Variants in TRIOBP observed in about 807,000 individuals in gnomAD.
The protein encoded by TRIOBP is TRIO and F-actin-binding protein.
TRIOBP carries 169 observed loss-of-function variants against 238.8 expected under a neutral mutation model. That is an observed-to-expected ratio of 0.71 (90% CI 0.62 to 0.80). The LOEUF (loss-of-function observed/expected upper bound fraction) is 0.80, where lower values mean the gene tolerates loss of function less well. Among genes scored for constraint, TRIOBP ranks in the 30% least tolerant of loss-of-function variants. The pLI is 0.00. For missense variants in TRIOBP, 2,838 were observed against 3,122.6 expected (o/e 0.91, Z 2.17); for synonymous variants, 1,150 against 1,274.4 (o/e 0.90, Z 2.08).
At chr22:37,729,279 G>A (rs928084502) in intron 7 of TRIOBP, among the ~76,000 whole-genome samples, 1 of 151,666 alleles carries the variant, frequency 6.6e-6, no homozygotes, top group Non-Finnish European at 1.5e-5. Context: ...GCAGTGGCGT[G>A]ATCATGGCTC....
intron 9 of TRIOBP, among the ~76,000 whole-genome samples, chr22:37,738,364 G>T (rs1486831182): frequency 6.6e-6 from 1 of 151,448 alleles, no homozygotes; most frequent in African/African-American, 2.4e-5. Context: ...GATGGATGAT[G>T]GATGGAGAGA....
chr22:37,726,792 C>T (rs892919206), intron 7 of TRIOBP, among the ~76,000 whole-genome samples: 1 of 152,166 alleles, frequency 6.6e-6, no homozygotes, highest in African/African-American at 2.4e-5. Context: ...CATGTCAACT[C>T]GTATGACCTG....
At chr22:37,701,856 G>A (rs1338147898) in intron 3 of TRIOBP, among the ~76,000 whole-genome samples, 1 of 152,212 alleles carries the variant, frequency 6.6e-6, no homozygotes, top group African/African-American at 2.4e-5. Flanking sequence ...GGCTGGGCAC[G>A]GTGGCTCACG....
At chr22:37,706,228 A>C (rs1922939357) in intron 3 of TRIOBP, among the ~76,000 whole-genome samples, 1 of 151,934 alleles carries the variant, frequency 6.6e-6, no homozygotes, top group Non-Finnish European at 1.5e-5. Flanking sequence ...GATACAGTGG[A>C]GATGAGGGGG....
At chr22:37,746,752 C>T (rs1925300001) in intron 11 of TRIOBP, among the ~76,000 whole-genome samples, 1 of 152,252 alleles carries the variant, frequency 6.6e-6, no homozygotes, top group African/African-American at 2.4e-5. Flanking sequence ...ACCTCCCCTC[C>T]AGCCCCCTAG....
Position 37,759,163 on chromosome 22 carries a change from C to T in TRIOBP, c.6223C>T (p.Leu2075Phe). The T allele has an allele frequency of 6.2e-7, 1 of 1,612,088 alleles. No individual in the cohort carries two copies. ...HEALEKEVQA[L>F]RAQLEAWRLQ... ...CCCTTCTCCCTCGTAGGTTCAGGCTCTTCGGGCCCAGCTGGAGGCGTGGCG... is the reference window on the plus strand; with the variant it reads ...CCCTTCTCCCTCGTAGGTTCAGGCTTTTCGGGCCCAGCTGGAGGCGTGGCG... The change falls in exon 17 of 24, where the codon CTT becomes TTT. Residue 2075 changes from leucine to phenylalanine, a missense_variant. Leu to Phe is a conservative substitution (Grantham distance 22). This residue lies in a region of TRIOBP where 2,096 missense variants were observed against 2,137.4 expected (regional missense o/e 0.98). Transcript: ENST00000644935.
At chr22:37,745,009 C>T (rs1428842451) in intron 11 of TRIOBP, among the ~76,000 whole-genome samples, 1 of 152,002 alleles carries the variant, frequency 6.6e-6, no homozygotes, top group Middle Eastern at 3.2e-3. Flanking sequence ...GGATTACAGG[C>T]GCCTGACACC....
In TRIOBP at chr22:37,725,582, C is replaced by A. The variant is rs765306690; in HGVS notation, c.3026C>A (p.Pro1009His). Residue 1009 changes from proline (P) to histidine (H), a missense_variant, in exon 7 of 24, where the codon CCC becomes CAC. Transcript: ENST00000644935. Reference sequence around the variant, plus strand: ...GGGGCTCCCCTGACCTCTCCTGAGCCCTCCCAGCCTCCATGTGCTGTGTGC... The same window carrying A: ...GGGGCTCCCCTGACCTCTCCTGAGCACTCCCAGCCTCCATGTGCTGTGTGC... ...AYGAPLTSPE[P>H]SQPPCAVCIG... is the part of the protein sequence containing the mutation. The A allele has an allele frequency of 2.5e-6, 4 of 1,613,814 alleles. No homozygotes were observed. The African/African-American group carries it at 5.3e-5, about 22-fold the overall frequency.
At chr22:37,738,235 G>A (rs1924769285) in intron 9 of TRIOBP, among the ~76,000 whole-genome samples, 2 of 152,142 alleles carry the variant, frequency 1.3e-5, no homozygotes, top group Admixed American at 1.3e-4. Context: ...ATATGGTGGT[G>A]GTGGATATAT....
chr22:37,719,264 A>C (rs1405567452), intron 6 of TRIOBP, among the ~76,000 whole-genome samples: 2 of 151,770 alleles, frequency 1.3e-5, no homozygotes, highest in African/African-American at 4.8e-5. Flanking sequence ...TGAGGAGGGG[A>C]CAGAGAAGGA....
At chr22:37,700,065 C>T (rs1242793310) in intron 2 of TRIOBP, among the ~76,000 whole-genome samples, 4 of 151,130 alleles carry the variant, frequency 2.6e-5, no homozygotes, top group Non-Finnish European at 5.9e-5. Flanking sequence ...TTAGTAGAGG[C>T]GGGGTTTCAC....
At chr22:37,751,105 C>A in intron 11 of TRIOBP, 2 of 434,374 alleles carry the variant, frequency 4.6e-6, no homozygotes, top group Non-Finnish European at 9.4e-6. Flanking sequence ...TTATCTAGGC[C>A]TGGGTGGGGG....
At chr22:37,720,000 C>CCTTTTT (rs1923747483) in intron 6 of TRIOBP, among the ~76,000 whole-genome samples, 2 of 54,348 alleles carry the variant, frequency 3.7e-5, no homozygotes, top group African/African-American at 7.6e-5. Flanking sequence ...CCCCCCCGCC[C>CCTTTTT]TTTTTTTTTT....
At chr22:37,759,864 G>A (rs1014035671) in intron 17 of TRIOBP, 41 of 756,792 alleles carry the variant, frequency 5.4e-5, no homozygotes, top group Non-Finnish European at 6.7e-5. Context: ...ACGTGTGTGT[G>A]TACACATATA....
chr22:37,723,146 C>T (rs769558492), intron 6 of TRIOBP, 39 bp from the exon 7 acceptor site: 29 of 1,605,084 alleles, frequency 1.8e-5, no homozygotes, highest in South Asian at 1.1e-5. Context: ...GCTGCCTGGA[C>T]CTCTCCCCTT....
In TRIOBP at chr22:37,757,761, G is replaced by A. The variant is rs1170910574; in HGVS notation, c.5836G>A (p.Val1946Met). ...ADGQRQALDY[V>M]ELSPLTQASP... The stretch of plus-strand genomic sequence containing the variant: ...CGGGCAGCGTCAGGCCTTGGACTAC[G>A]TGGAGCTCTCGCCGCTGACCCAGGC... The change falls in exon 16 of 24, where the codon GTG becomes ATG. Residue 1946 changes from valine to methionine, a missense_variant. Physicochemically the swap from Val to Met is conservative, Grantham distance 21. Around this residue, in one of 5 missense-constraint regions of TRIOBP, gnomAD observed 2,096 missense variants for 2,137.4 expected, o/e 0.98. Coordinates refer to ENST00000644935, the MANE Select transcript of TRIOBP (RefSeq NM_001039141.3). The A allele has an allele frequency of 7.7e-6, 12 of 1,560,142 alleles. No homozygotes were observed. The highest frequency in any genetic ancestry group is 1.0e-5 in the Non-Finnish European group (12 of 1,152,838).
intron 5 of TRIOBP, among the ~76,000 whole-genome samples, chr22:37,714,183 A>T (rs1350903882): frequency 2.0e-5 from 3 of 152,056 alleles, no homozygotes; most frequent in Non-Finnish European, 4.4e-5. Context: ...CTAGGATTTG[A>T]ACCCACTTTT....
At chr22:37,737,909 G>A (rs1346673547) in intron 9 of TRIOBP, among the ~76,000 whole-genome samples, 13 of 152,300 alleles carry the variant, frequency 8.5e-5, no homozygotes, top group African/African-American at 3.1e-4. Context: ...TCTGGGCTTG[G>A]CAGTTTTGCT....
rs199624624 is a variant in TRIOBP at position 37,725,333 on chromosome 22, G to A, written c.2777G>A (p.Arg926His). The A allele has an allele frequency of 5.1e-5, 83 of 1,613,486 alleles. No individual in the cohort carries two copies. The African/African-American group carries it at 6.0e-4, about 12-fold the overall frequency. Reference protein sequence around the residue: ...SDGPRTSSPSRSKQSEVPWAS... With the variant: ...SDGPRTSSPSHSKQSEVPWAS... ...GGTCCCCGAACCTCTTCCCCATCTCGCTCCAAGCAAAGCGAGGTTCCCTGG... is the reference window on the plus strand; with the variant it reads ...GGTCCCCGAACCTCTTCCCCATCTCACTCCAAGCAAAGCGAGGTTCCCTGG... Residue 926 changes from arginine to histidine, a missense_variant, in exon 7 of 24, where the codon CGC becomes CAC. By Grantham distance (29) the Arg-to-His change is conservative. Around this residue, in one of 5 missense-constraint regions of TRIOBP, gnomAD observed 2,096 missense variants for 2,137.4 expected, o/e 0.98. Coordinates refer to ENST00000644935, the MANE Select transcript of TRIOBP (RefSeq NM_001039141.3).
Sources: allele counts gnomAD v4.1 joint callset (sites outside exome capture counted in the v4.1 genomes callset), GRCh38; gene constraint gnomAD v4.1.1; regional missense constraint gnomAD v4.1.1; transcripts MANE v1.5; gene names NCBI Gene and HGNC (gene_info 2026-07-23, HGNC 2026-07-21).